The following ATXN3 variants were observed in gnomAD, a reference collection of about 807,000 sequenced individuals.
ATXN3 encodes the protein ataxin 3.
In ATXN3, 28 loss-of-function variants were observed where a neutral mutation model predicts 58.2. The observed-to-expected ratio is 0.48, with a 90% confidence interval of 0.36 to 0.66. ATXN3 has a LOEUF of 0.66. Among genes scored for constraint, ATXN3 ranks in the 30% least tolerant of loss-of-function variants. The pLI, the probability that ATXN3 is intolerant of heterozygous loss-of-function variation, is 0.00. For missense variants in ATXN3, 321 were observed against 422.1 expected (o/e 0.76, Z 2.10); for synonymous variants, 113 against 138.5 (o/e 0.82, Z 1.29).
chr14:92,098,892 T>A (rs2066039909), intron 1 of ATXN3, among the ~76,000 whole-genome samples: 1 of 152,112 alleles, frequency 6.6e-6, no homozygotes. Context: ...TTCTCATGGG[T>A]TCAGGGCCTT....
At chr14:92,077,844 G>A (rs2060700363) in intron 9 of ATXN3, among the ~76,000 whole-genome samples, 1 of 149,640 alleles carries the variant, frequency 6.7e-6, no homozygotes, top group African/African-American at 2.5e-5. Context: ...ACAGGCTTTC[G>A]CCATGTTGGC....
At chr14:92,081,618 T>G (rs2140732787) in intron 8 of ATXN3, among the ~76,000 whole-genome samples, 1 of 152,058 alleles carries the variant, frequency 6.6e-6, no homozygotes, top group Middle Eastern at 3.4e-3. Flanking sequence ...GCAAGAAAAG[T>G]TCAGGATAAA....
intron 1 of ATXN3, among the ~76,000 whole-genome samples, chr14:92,098,184 T>C (rs2141196142): frequency 6.6e-6 from 1 of 152,254 alleles, no homozygotes; most frequent in Non-Finnish European, 1.5e-5. Context: ...TTGCCCAGGC[T>C]GGACTTGAAC....
intron 5 of ATXN3, among the ~76,000 whole-genome samples, chr14:92,090,876 G>C (rs1477445142): frequency 6.6e-6 from 1 of 151,124 alleles, no homozygotes; most frequent in Non-Finnish European, 1.5e-5. Flanking sequence ...AATAATCTCA[G>C]CAGTACGCTA....
intron 6 of ATXN3, among the ~76,000 whole-genome samples, chr14:92,083,748 A>C (rs542858618): frequency 6.6e-6 from 1 of 152,286 alleles, no homozygotes; most frequent in Non-Finnish European, 1.5e-5. Context: ...GCTACAAATT[A>C]TTGTTTCTGG....
intron 3 of ATXN3, 27 bp from the exon 4 acceptor site, chr14:92,093,858 T>C (rs375505876): frequency 1.4e-6 from 2 of 1,398,680 alleles, no homozygotes; most frequent in African/African-American, 2.8e-5. Context: ...CAACTTTTCA[T>C]AAGCTAAACC....
At chr14:92,092,493 C>T (rs930908074) in intron 5 of ATXN3, among the ~76,000 whole-genome samples, 11 of 152,182 alleles carry the variant, frequency 7.2e-5, no homozygotes, top group African/African-American at 2.7e-4. Flanking sequence ...AATGAATAAT[C>T]TTACACTAAA....
Sources: gnomAD v4.1 joint callset for allele counts (sites outside exome capture counted in the v4.1 genomes callset) on GRCh38, gnomAD v4.1.1 for gene constraint, MANE v1.5 for transcripts, NCBI Gene and HGNC (gene_info 2026-07-23, HGNC 2026-07-21) for gene names.